The following FOXP1 variants were observed in gnomAD, a reference collection of about 807,000 sequenced individuals.
FOXP1 encodes forkhead box protein P1.
FOXP1 carries 15 observed loss-of-function variants against 98.2 expected under a neutral mutation model. The observed-to-expected ratio is 0.15, with a 90% CI of 0.10 to 0.24. The LOEUF (loss-of-function observed/expected upper bound fraction) is 0.24. Among genes scored for constraint, FOXP1 ranks in the 10% least tolerant of loss-of-function variants. FOXP1 has a pLI of 1.00. For synonymous variants in FOXP1, 371 were observed against 314.5 expected, an observed-to-expected ratio of 1.18 and a Z score of -1.90; for missense variants, 633 against 848.5, an observed-to-expected ratio of 0.75 and a Z score of 3.15.
chr3:71,235,154 G>A (rs527379994), intron 5 of FOXP1, among the ~76,000 whole-genome samples: 93 of 152,124 alleles, frequency 6.1e-4, no homozygotes, highest in African/African-American at 2.2e-3. Flanking sequence ...TTAGCAAAGC[G>A]ACTGTAGATC....
At chr3:71,442,486 T>G (rs565076783) in intron 3 of FOXP1, among the ~76,000 whole-genome samples, 1 of 152,250 alleles carries the variant, frequency 6.6e-6, no homozygotes, top group African/African-American at 2.4e-5. Flanking sequence ...CAGCTGATTT[T>G]AGTGAAATTA....
At chr3:71,430,545 C>A (rs141298443) in intron 3 of FOXP1, among the ~76,000 whole-genome samples, 1 of 151,880 alleles carries the variant, frequency 6.6e-6, no homozygotes, top group South Asian at 2.1e-4. Flanking sequence ...CCGCATGTTA[C>A]TTCACTTACA....
At chr3:71,350,144 A>C (rs1320409514) in intron 4 of FOXP1, among the ~76,000 whole-genome samples, 1 of 152,186 alleles carries the variant, frequency 6.6e-6, no homozygotes. Flanking sequence ...TATTATTCCC[A>C]CCACTTACAT....
chr3:71,024,944 C>A (rs748218317), intron 11 of FOXP1, among the ~76,000 whole-genome samples: 5 of 152,162 alleles, frequency 3.3e-5, no homozygotes, highest in Non-Finnish European at 4.4e-5. Context: ...GTCCTCAGGG[C>A]ATGGCTCATG....
At chr3:71,564,943 C>T (rs1208668647) in intron 2 of FOXP1, among the ~76,000 whole-genome samples, 1 of 152,026 alleles carries the variant, frequency 6.6e-6, no homozygotes. Context: ...GCTGAAATTC[C>T]GTCTCTATTA....
intron 6 of FOXP1, among the ~76,000 whole-genome samples, chr3:71,184,978 A>G (rs2062560095): frequency 6.6e-6 from 1 of 152,140 alleles, no homozygotes; most frequent in Non-Finnish European, 1.5e-5. Context: ...GGATCACCTG[A>G]GGTCAGGAGT....
chr3:71,358,611 T>C (rs2078333594), intron 4 of FOXP1, among the ~76,000 whole-genome samples: 1 of 152,218 alleles, frequency 6.6e-6, no homozygotes. Flanking sequence ...TTCTCGCAGA[T>C]AAATGGTTTG....
chr3:71,326,435 CAATAAT>C (rs1166785044), intron 4 of FOXP1, among the ~76,000 whole-genome samples: 2 of 152,066 alleles, frequency 1.3e-5, no homozygotes, highest in African/African-American at 4.8e-5. Context: ...ACAACAACAA[CAATAAT>C]AACAACAACA....
intron 5 of FOXP1, among the ~76,000 whole-genome samples, chr3:71,280,359 C>G (rs1156664632): frequency 6.8e-6 from 1 of 148,100 alleles, no homozygotes; most frequent in Non-Finnish European, 1.5e-5. Flanking sequence ...CTTGCTTTGT[C>G]CCCTAGGCTG....
intron 7 of FOXP1, among the ~76,000 whole-genome samples, chr3:71,102,701 G>A (rs566637179): frequency 4.6e-5 from 7 of 152,274 alleles, no homozygotes; most frequent in South Asian, 4.2e-4. Context: ...ATTAGGAGAC[G>A]GTGTGGTCTG....
At chr3:71,171,279 AGAAAT>A (rs2061640735) in intron 6 of FOXP1, among the ~76,000 whole-genome samples, 1 of 152,188 alleles carries the variant, frequency 6.6e-6, no homozygotes, top group Non-Finnish European at 1.5e-5. Context: ...GATAAATAGA[AGAAAT>A]GAAGTCCCCA....
intron 5 of FOXP1, among the ~76,000 whole-genome samples, chr3:71,293,494 GAT>G (rs2072978623): frequency 6.8e-6 from 1 of 148,008 alleles, no homozygotes; most frequent in South Asian, 2.2e-4. Flanking sequence ...AAAAAAAAAA[GAT>G]AGATAAAACC....
rs977621688 is a variant in FOXP1, at chr3:71,583,638, C to A, written c.-514G>T. 6.6e-5 allele frequency: 65 copies of A among 984,436 alleles called. No homozygotes were observed. The East Asian group carries it at 5.7e-3, about 87-fold the overall frequency. The allele number at this position is 984,436 out of a possible 1,614,324, so 61.0% of individuals were successfully genotyped here. ...GCCTTTCCCCGCGCGCGCCCACTCC[C>A]GCCCGCGCGCGCACCCCGCGCACAC... On this transcript the variant is annotated 5_prime_UTR_variant, in exon 1 of 21. Transcript: ENST00000649528.
chr3:70,971,977 GA>G (rs368010894), intron 18 of FOXP1: 232 of 1,171,048 alleles, frequency 2.0e-4, no homozygotes, highest in South Asian at 2.5e-4. Flanking sequence ...AGCAACAGCA[GA>G]AAAAAAAAAC....
At position 71,369,388 on chromosome 3, in the gene FOXP1, TCAAAAAAA is replaced by T. The variant is rs376575466; in HGVS notation, c.-167-10152_-167-10145del. On this transcript the variant is annotated intron_variant, in intron 3 of 20. Coordinates refer to ENST00000649528, the MANE Select transcript of FOXP1 (RefSeq NM_001349338.3). The stretch of plus-strand genomic sequence containing the variant: ...CTGGGCAACAGAACGAGACTCCGTC[TCAAAAAAA>T]CAAAAAAACAAAAACAGAAACGGAG... 3.9e-4 allele frequency among the ~76,000 whole-genome samples: 60 copies of T among 152,038 alleles called. No individual in the cohort carries two copies. In the South Asian group the frequency reaches 4.1e-3, roughly 11 times the overall value.
chr3:71,477,322 T>C (rs2089933183), intron 3 of FOXP1, among the ~76,000 whole-genome samples: 1 of 152,198 alleles, frequency 6.6e-6, no homozygotes, highest in Non-Finnish European at 1.5e-5. Flanking sequence ...AATTCTTTCA[T>C]CTCCATGTAG....
intron 2 of FOXP1, among the ~76,000 whole-genome samples, chr3:71,502,992 A>AC (rs1486406951): frequency 1.3e-5 from 2 of 151,670 alleles, no homozygotes; most frequent in Non-Finnish European, 2.9e-5. Flanking sequence ...AAAAAAAAAA[A>AC]AAACAAGTAG....
intron 7 of FOXP1, among the ~76,000 whole-genome samples, chr3:71,091,438 C>A (rs1029496741): frequency 2.6e-5 from 4 of 151,752 alleles, no homozygotes; most frequent in African/African-American, 9.7e-5. Flanking sequence ...TGTAGTGAGC[C>A]GAGATCGCAC....
chr3:71,013,128 T>A (rs2043907853), intron 12 of FOXP1, among the ~76,000 whole-genome samples: 1 of 152,306 alleles, frequency 6.6e-6, no homozygotes, highest in South Asian at 2.1e-4. Flanking sequence ...CTTACAGAGA[T>A]GCTTTATAGG....
Sources: allele counts gnomAD v4.1 joint callset (sites outside exome capture counted in the v4.1 genomes callset), GRCh38; gene constraint gnomAD v4.1.1; transcripts MANE v1.5; gene names NCBI Gene and HGNC (gene_info 2026-07-23, HGNC 2026-07-21).